Variants in PKIB observed in about 807,000 individuals in gnomAD.
PKIB encodes cAMP-dependent protein kinase inhibitor beta.
PKIB carries 2 observed loss-of-function variants against 4.5 expected under a neutral mutation model. The observed-to-expected ratio is 0.44, with a 90% CI of 0.18 to 1.39. The LOEUF (loss-of-function observed/expected upper bound fraction) is 1.39. PKIB is among the 40% of genes most tolerant of loss of function. The pLI, the probability that PKIB is intolerant of heterozygous loss-of-function variation, is 0.27. For missense variants in PKIB, 94 were observed against 92.6 expected (o/e 1.02, Z -0.06); for synonymous variants, 38 against 36.0 (o/e 1.06, Z -0.20).
At chr6:122,652,143 A>G (rs1776577685) in intron 2 of PKIB, among the ~76,000 whole-genome samples, 1 of 151,984 alleles carries the variant, frequency 6.6e-6, no homozygotes, top group Non-Finnish European at 1.5e-5. Flanking sequence ...TTATGGAACC[A>G]CTCTTAGGGC....
rs893137436 is a variant in PKIB, at chr6:122,487,556, G to C, written c.-248+9617G>C. On this transcript the variant is annotated intron_variant, in intron 2 of 6. Coordinates refer to the PKIB transcript ENST00000392491. ...AAAAGAGACTCCAGAGAGCTAACTAGCGCTTCTACCATGTGAAGACACAGC... is the reference window on the plus strand; with the variant it reads ...AAAAGAGACTCCAGAGAGCTAACTACCGCTTCTACCATGTGAAGACACAGC... 4.6e-5 allele frequency among the ~76,000 whole-genome samples: 7 copies of C among 152,150 alleles called. No homozygotes were observed. In the South Asian group the frequency reaches 8.3e-4, roughly 18 times the overall value.
intron 3 of PKIB, among the ~76,000 whole-genome samples, chr6:122,696,439 A>G (rs1349991520): frequency 6.6e-6 from 1 of 152,200 alleles, no homozygotes; most frequent in Non-Finnish European, 1.5e-5. Context: ...TAAAAATTCT[A>G]AGGAACATCC....
At chr6:122,598,802 A>G (rs1774259648) in intron 3 of PKIB, among the ~76,000 whole-genome samples, 1 of 152,048 alleles carries the variant, frequency 6.6e-6, no homozygotes, top group South Asian at 2.1e-4. Flanking sequence ...AAACTATTAT[A>G]ATCTTTTTTT....
chr6:122,529,878 T>G (rs1248400242), intron 2 of PKIB, among the ~76,000 whole-genome samples: 1 of 152,174 alleles, frequency 6.6e-6, no homozygotes, highest in Non-Finnish European at 1.5e-5. Context: ...GTCTTTGGCT[T>G]TAAACAGTTT....
At chr6:122,700,563 GAGTGGTAC>G (rs923939917) in intron 3 of PKIB, among the ~76,000 whole-genome samples, 10 of 152,312 alleles carry the variant, frequency 6.6e-5, no homozygotes, top group African/African-American at 2.4e-4. Context: ...ATAGTAAGCA[GAGTGGTAC>G]AGGGAAAGAA....
At chr6:122,636,482 G>C (rs1775922483) in intron 2 of PKIB, among the ~76,000 whole-genome samples, 1 of 151,834 alleles carries the variant, frequency 6.6e-6, no homozygotes, top group Non-Finnish European at 1.5e-5. Flanking sequence ...AACTATTAAA[G>C]AAATGTACAA....
intron 1 of PKIB, among the ~76,000 whole-genome samples, chr6:122,474,347 C>T (rs1775396263): frequency 6.6e-6 from 1 of 152,158 alleles, no homozygotes; most frequent in South Asian, 2.1e-4. Flanking sequence ...TTAGCATGTT[C>T]AATTCCTTCA....
chr6:122,589,624 A>C (rs1773959181), intron 3 of PKIB, among the ~76,000 whole-genome samples: 1 of 152,198 alleles, frequency 6.6e-6, no homozygotes, highest in African/African-American at 2.4e-5. Flanking sequence ...TAAAAGCTTA[A>C]TATGTCCCTG....
chr6:122,498,882 T>C (rs1009493275), intron 2 of PKIB, among the ~76,000 whole-genome samples: 2 of 152,152 alleles, frequency 1.3e-5, no homozygotes, highest in Non-Finnish European at 2.9e-5. Flanking sequence ...AAAGGCAACA[T>C]TAGAACTGAT....
At position 122,578,517 on chromosome 6, in the gene PKIB, T is replaced by G. The variant is rs190132862; in HGVS notation, c.-247-7404T>G. ...TCATCTAGATGCCAAAATGTTCTTT[T>G]GTCTTTTCAATTCCCTATATTAAAT... On this transcript the variant is annotated intron_variant, in intron 2 of 6. Coordinates refer to the PKIB transcript ENST00000392491. 3.9e-5 allele frequency among the ~76,000 whole-genome samples: 6 copies of G among 152,292 alleles called. No homozygotes were observed. In the East Asian group the frequency reaches 1.2e-3, roughly 29 times the overall value.
chr6:122,551,945 T>C lies in PKIB; in HGVS notation c.-247-33976T>C, dbSNP rs188685962. Among the ~76,000 whole-genome samples the C allele has an allele frequency of 3.5e-3, 513 of 144,930 alleles. 3 individuals carry two copies. The highest frequency in any genetic ancestry group is 0.012 in the African/African-American group (474 of 39,458). On this transcript the variant is annotated intron_variant, in intron 2 of 6. Transcript: ENST00000392491. ...TTATTAAAGCAACTTCCTCCAGTCC[T>C]CCGTTTTTAGTCTTGGGCCATTCTA...
At chr6:122,716,898 A>G (rs1159941951) in intron 3 of PKIB, among the ~76,000 whole-genome samples, 1 of 152,174 alleles carries the variant, frequency 6.6e-6, no homozygotes, top group Non-Finnish European at 1.5e-5. Flanking sequence ...TTCCCTAAAG[A>G]TGGAAAGTAT....
intron 2 of PKIB, among the ~76,000 whole-genome samples, chr6:122,505,256 A>C (rs1436430144): frequency 6.6e-6 from 1 of 152,192 alleles, no homozygotes; most frequent in Non-Finnish European, 1.5e-5. Context: ...ATAAGAGAGC[A>C]GATCTCGCTC....
chr6:122,489,336 C>G (rs1310798403), intron 2 of PKIB, among the ~76,000 whole-genome samples: 1 of 152,082 alleles, frequency 6.6e-6, no homozygotes, highest in Non-Finnish European at 1.5e-5. Flanking sequence ...CAACCTCTGC[C>G]TCCCAGGTTC....
At chr6:122,579,410 C>A (rs1479214376) in intron 2 of PKIB, among the ~76,000 whole-genome samples, 1 of 152,032 alleles carries the variant, frequency 6.6e-6, no homozygotes, top group Non-Finnish European at 1.5e-5. Flanking sequence ...TTCTTAGGGC[C>A]TTTTCTCTTG....
At chr6:122,658,589 C>T (rs1347756935) in intron 2 of PKIB, among the ~76,000 whole-genome samples, 1 of 151,974 alleles carries the variant, frequency 6.6e-6, no homozygotes, top group African/African-American at 2.4e-5. Flanking sequence ...ATGCACAGAT[C>T]ACTATGGAAG....
At chr6:122,553,487 T>TTTTTTTTTTTTG (rs1772748583) in intron 2 of PKIB, among the ~76,000 whole-genome samples, 1 of 103,782 alleles carries the variant, frequency 9.6e-6, no homozygotes. Context: ...TCTTCTTTTT[T>TTTTTTTTTTTTG]TTTTTTTTTT....
Position 122,725,134 on chromosome 6 carries a change from A to T in PKIB, c.176A>T (p.Lys59Ile). The T allele has an allele frequency of 6.2e-7, 1 of 1,608,728 alleles. No homozygotes were observed. The highest frequency in any genetic ancestry group is 8.5e-7 in the Non-Finnish European group (1 of 1,177,970). The change falls in exon 5 of 5, where the codon AAA becomes ATA. Residue 59 changes from lysine to isoleucine, a missense_variant. Lys to Ile is a moderately radical substitution (Grantham distance 102). Coordinates refer to ENST00000368452, the MANE Select transcript of PKIB (RefSeq NM_181795.3). ...LEALSVKEDA[K>I]EKDEKTTQDQ... ...ATGGAAATTTTTTTTTCAGATGCAA[A>T]AGAGAAAGATGAAAAAACAACACAA...
intron 3 of PKIB, among the ~76,000 whole-genome samples, chr6:122,705,382 T>C (rs1023927573): frequency 6.6e-6 from 1 of 152,150 alleles, no homozygotes; most frequent in African/African-American, 2.4e-5. Context: ...TCTGATAGTG[T>C]AAGTCCTTTA....
Sources: allele counts gnomAD v4.1 joint callset (sites outside exome capture counted in the v4.1 genomes callset), GRCh38; gene constraint gnomAD v4.1.1; transcripts MANE v1.5; gene names NCBI Gene and HGNC (gene_info 2026-07-23, HGNC 2026-07-21).